SPATA6L: variants seen among roughly 807,000 people sequenced by gnomAD.
SPATA6L encodes the protein spermatogenesis associated 6 like.
A neutral mutation model predicts 49.2 loss-of-function variants in SPATA6L; 68 were observed. That is an observed-to-expected ratio of 1.38 (90% CI 1.14 to 1.69). The LOEUF (loss-of-function observed/expected upper bound fraction) is 1.69, where lower values mean the gene tolerates loss of function less well. Among genes scored for constraint, SPATA6L ranks in the 40% most tolerant of loss-of-function variants. The pLI is 0.00. For synonymous variants in SPATA6L, 198 were observed against 165.7 expected (o/e 1.19, Z -1.50); for missense variants, 668 against 464.3 (o/e 1.44, Z -4.03).
At chr9:4,645,243 A>G (rs1367709491) in intron 3 of SPATA6L, among the ~76,000 whole-genome samples, 1 of 152,262 alleles carries the variant, frequency 6.6e-6, no homozygotes, top group Non-Finnish European at 1.5e-5. Context: ...ACTAAAAGCA[A>G]ATATACAACA....
At chr9:4,639,792 T>G (rs181856587) in intron 3 of SPATA6L, among the ~76,000 whole-genome samples, 169 of 152,306 alleles carry the variant, frequency 1.1e-3, no homozygotes, top group Non-Finnish European at 2.1e-3. Flanking sequence ...AATAACAACA[T>G]TGGCTGAAGG....
In SPATA6L at chr9:4,617,182, G is replaced by A. The variant is rs115708504; in HGVS notation, c.995+741C>T. 5.3e-3 allele frequency among the ~76,000 whole-genome samples: 807 copies of A among 152,252 alleles called. 9 individuals are homozygous for A. The highest frequency in any genetic ancestry group is 0.018 in the African/African-American group (765 of 41,552). ...GAGAGCAATTGCGTTATTTTGGTAC[G>A]TGGAGTTTGCTTCTTATTCTCGTCA... On this transcript the variant is annotated intron_variant, in intron 9 of 11. Coordinates refer to ENST00000682582, the MANE Select transcript of SPATA6L (RefSeq NM_001353486.2).
rs902795520 is a variant in SPATA6L, at chr9:4,646,523, G to C, written c.226+9518C>G. 8 of 1,498,628 alleles carry C rather than the reference G, an allele frequency of 5.3e-6. No homozygotes were observed. In the Admixed American group the frequency reaches 9.5e-5, roughly 18 times the overall value. The allele number at this position is 1,498,628 out of a possible 1,614,324, so 92.8% of individuals were successfully genotyped here. Reference sequence around the variant, plus strand: ...AGCTGTATTAATTCAAACCTGGCTAGGAAGCCTAAAAAGGAAAAAATGAGA... The same window carrying C: ...AGCTGTATTAATTCAAACCTGGCTACGAAGCCTAAAAAGGAAAAAATGAGA... On this transcript the variant is annotated intron_variant, in intron 3 of 11. Coordinates refer to ENST00000682582, the MANE Select transcript of SPATA6L (RefSeq NM_001353486.2).
intron 3 of SPATA6L, among the ~76,000 whole-genome samples, chr9:4,654,403 C>A (rs1837621583): frequency 6.6e-6 from 1 of 152,144 alleles, no homozygotes; most frequent in Non-Finnish European, 1.5e-5. Flanking sequence ...GGGGTTCCGA[C>A]CCCATAGCAC....
At chr9:4,609,872 G>A (rs1436730009) in intron 9 of SPATA6L, among the ~76,000 whole-genome samples, 1 of 152,034 alleles carries the variant, frequency 6.6e-6, no homozygotes. Context: ...GTTTGCAGAC[G>A]ACATGATTGT....
intron 9 of SPATA6L, 76 bp from the exon 10 acceptor site, chr9:4,605,516 T>C (rs1824562929): frequency 3.2e-6 from 3 of 938,892 alleles, no homozygotes; most frequent in South Asian, 1.4e-5. Flanking sequence ...ACGGTATGGA[T>C]TGATATTTAA....
At position 4,605,419 on chromosome 9, in the gene SPATA6L, G is replaced by C. The variant is rs773487131; in HGVS notation, c.1017C>G (p.Ser339=). 1 of 1,613,974 alleles carries C rather than the reference G, an allele frequency of 6.2e-7. No homozygotes were observed. The highest frequency in any genetic ancestry group is 1.1e-5 in the South Asian group (1 of 91,080). ...CCCTCTCATGGATATTCTTCCATGT[G>C]GACTGAGAACCAGGATGGAACCTGC... ...LRERFHPGSQ[S]TWKNIHERVC... is the part of the protein sequence containing the mutation. Residue 339 remains serine (S), a synonymous_variant, in exon 10 of 12, where the codon TCC becomes TCG. Transcript: ENST00000682582.
At chr9:4,625,283 T>G (rs1205390405) in intron 6 of SPATA6L, 44 bp downstream of exon 6, 1 of 1,583,628 alleles carries the variant, frequency 6.3e-7, no homozygotes. Flanking sequence ...CTCATCCATA[T>G]CCTCACTATT....
intron 2 of SPATA6L, among the ~76,000 whole-genome samples, chr9:4,657,589 T>G (rs772110483): frequency 1.3e-5 from 2 of 152,028 alleles, no homozygotes; most frequent in Non-Finnish European, 2.9e-5. Flanking sequence ...AAATTAAATT[T>G]ATTTGAGCAA....
chr9:4,655,410 T>C (rs1159245529), intron 3 of SPATA6L, among the ~76,000 whole-genome samples: 1 of 152,244 alleles, frequency 6.6e-6, no homozygotes, highest in Admixed American at 6.5e-5. Context: ...GAGTGATTGC[T>C]AATGGGCATA....
intron 9 of SPATA6L, 69 bp from the exon 10 acceptor site, chr9:4,605,509 G>A (rs1414858532): frequency 1.9e-6 from 2 of 1,035,340 alleles, no homozygotes; most frequent in Non-Finnish European, 3.0e-6. Context: ...GCACATGACG[G>A]TATGGATTGA....
intron 1 of SPATA6L, chr9:4,663,032 C>G: frequency 6.2e-7 from 1 of 1,613,838 alleles, no homozygotes; most frequent in Non-Finnish European, 8.5e-7. Context: ...CAAGGGCCGC[C>G]CTGATGTCGA....
At chr9:4,655,972 A>C in intron 3 of SPATA6L, 69 bp downstream of exon 3, 1 of 1,176,986 alleles carries the variant, frequency 8.5e-7, no homozygotes, top group Non-Finnish European at 1.2e-6. Context: ...AGAAAAGAGC[A>C]GAGTTTTGAA....
chr9:4,638,592 A>AATGCTCCCTGTGATGGGTATAATCCTCCC (rs1332621866), intron 3 of SPATA6L, among the ~76,000 whole-genome samples: 98 of 152,148 alleles, frequency 6.4e-4, no homozygotes, highest in African/African-American at 2.3e-3. Flanking sequence ...CTCCTCTGAC[A>AATGCTCCCTGTGATGGGTATAATCCTCCC]ATGCTCCCTG....
At chr9:4,666,171 C>A (rs1587600440) in intron 1 of SPATA6L, 41 bp downstream of exon 1, 3 of 1,609,884 alleles carry the variant, frequency 1.9e-6, no homozygotes, top group South Asian at 2.2e-5. Flanking sequence ...TATTTAGAGT[C>A]CGACTTGAGG....
rs193055521 is a variant in SPATA6L, at chr9:4,656,212, G to C, written c.178-123C>G. The stretch of plus-strand genomic sequence containing the variant: ...CTAGCACTTTGGGAGGCCGAGGTGG[G>C]TGTATTGCTTAAGCTCAGGAGTTTC... On this transcript the variant is annotated intron_variant, in intron 2 of 11. Coordinates refer to ENST00000682582, the MANE Select transcript of SPATA6L (RefSeq NM_001353486.2). 2.4e-4 allele frequency: 169 copies of C among 707,730 alleles called. No homozygotes were observed. In the African/African-American group the frequency reaches 2.9e-3, roughly 12 times the overall value. 43.8% of individuals were successfully genotyped at this position (707,730 alleles called of 1,614,324 possible). A position where few individuals can be genotyped will look rare whatever the true frequency, so the allele number is the denominator to read the frequency against.
chr9:4,607,489 T>G (rs1825584124), intron 9 of SPATA6L, among the ~76,000 whole-genome samples: 1 of 152,172 alleles, frequency 6.6e-6, no homozygotes, highest in South Asian at 2.1e-4. Context: ...GGGCCAATAT[T>G]CCACATTCTT....
At chr9:4,642,398 T>C (rs1323594539) in intron 3 of SPATA6L, among the ~76,000 whole-genome samples, 2 of 152,216 alleles carry the variant, frequency 1.3e-5, no homozygotes, top group Admixed American at 6.5e-5. Context: ...TTCTGAAAAG[T>C]AGTCAGGAGG....
At position 4,598,871 on chromosome 9, in the gene SPATA6L, T is replaced by C. The variant is rs1822589586; in HGVS notation, c.*1940A>G. On this transcript the variant is annotated 3_prime_UTR_variant, in exon 12 of 12. Coordinates refer to ENST00000682582, the MANE Select transcript of SPATA6L (RefSeq NM_001353486.2). ...TGAGAACATATTAGCATATGTAATT[T>C]AAGCTTGCTGTTGGCCTTGCCAAGG... Among the ~76,000 whole-genome samples, 1 of 152,272 alleles carries C rather than the reference T, an allele frequency of 6.6e-6. No individual in the cohort carries two copies. Among genetic ancestry groups the C allele is most frequent in the South Asian group, 2.1e-4 (1 of 4,834 alleles).
Sources: gnomAD v4.1 joint callset for allele counts (sites outside exome capture counted in the v4.1 genomes callset) on GRCh38, gnomAD v4.1.1 for gene constraint, MANE v1.5 for transcripts, NCBI Gene and HGNC (gene_info 2026-07-23, HGNC 2026-07-21) for gene names.